NF1: variants seen among roughly 807,000 people sequenced by gnomAD.
The protein encoded by NF1 is neurofibromin.
Under a neutral mutation model 325.7 loss-of-function variants are expected in NF1, and 122 were observed. The observed-to-expected ratio is 0.37, with a 90% CI of 0.32 to 0.44. NF1 has a LOEUF of 0.44. NF1 is among the 20% of genes least tolerant of loss of function. The pLI is 1.00. For missense variants in NF1, 2,140 were observed against 3,415.4 expected (o/e 0.63, Z 9.31); for synonymous variants, 1,091 against 1,186.0 (o/e 0.92, Z 1.65).
intron 1 of NF1, among the ~76,000 whole-genome samples, chr17:31,118,081 TGTG>T (rs564057412): frequency 1.6e-3 from 242 of 152,332 alleles, no homozygotes; most frequent in Non-Finnish European, 2.6e-3. Context: ...CTAGGTTAAA[TGTG>T]GTAAATGCAC....
In NF1 at chr17:31,249,195, A is replaced by G. The variant is rs551814219; in HGVS notation, c.4110+76A>G. The G allele has an allele frequency of 1.7e-4, 248 of 1,486,860 alleles. 1 individual carries two copies. In the African/African-American group the frequency reaches 2.9e-3, roughly 18 times the overall value. The allele number at this position is 1,486,860 out of a possible 1,614,324, so 92.1% of individuals were successfully genotyped here. A position where few individuals can be genotyped will look rare whatever the true frequency, so the allele number is the denominator to read the frequency against. On this transcript the variant is annotated intron_variant, in intron 30 of 57. Transcript: ENST00000358273. Reference sequence around the variant, plus strand: ...AGAATGCTTTATCAAAGAAGGATCTAGCTGCTGATGGTGTGTGGTTAACTA... The same window carrying G: ...AGAATGCTTTATCAAAGAAGGATCTGGCTGCTGATGGTGTGTGGTTAACTA...
At chr17:31,296,177 C>G (rs752539765) in intron 36 of NF1, 1 of 1,613,032 alleles carries the variant, frequency 6.2e-7, no homozygotes, top group African/African-American at 1.3e-5. Flanking sequence ...CTCTTGCAGT[C>G]CAGATGGTAA....
At chr17:31,233,266 T>C in intron 27 of NF1, 53 bp downstream of exon 27, 2 of 1,414,688 alleles carry the variant, frequency 1.4e-6, no homozygotes, top group Middle Eastern at 1.8e-4. Flanking sequence ...TAGCAAATCC[T>C]TCAGAATATA....
rs533513599 is a variant in NF1, at chr17:31,197,927, A to G, written c.889-2495A>G. On this transcript the variant is annotated intron_variant, in intron 8 of 57. Coordinates refer to ENST00000358273, the MANE Select transcript of NF1 (RefSeq NM_001042492.3). The stretch of plus-strand genomic sequence containing the variant: ...ATCTTTCACTATTGAGTATGTTGTT[A>G]GCTATTGGTTTTTAATACATGGCTT... 2.6e-5 allele frequency among the ~76,000 whole-genome samples: 4 copies of G among 152,238 alleles called. No individual in the cohort carries two copies. The South Asian group carries it at 8.3e-4, about 32-fold the overall frequency.
intron 29 of NF1, among the ~76,000 whole-genome samples, chr17:31,248,284 C>T (rs1341998496): frequency 7.3e-6 from 1 of 136,434 alleles, no homozygotes; most frequent in Non-Finnish European, 1.5e-5. Context: ...GGCATATACA[C>T]ATAGAGGATT....
chr17:31,336,832 G>A lies in NF1; in HGVS notation c.6345G>A (p.Pro2115=), dbSNP rs779475182. 13 of 1,613,638 alleles carry A rather than the reference G, an allele frequency of 8.1e-6. No individual in the cohort carries two copies. The highest frequency in any genetic ancestry group is 5.0e-5 in the Admixed American group (3 of 59,992). The change falls in exon 42 of 58, where the codon CCG becomes CCA. Residue 2115 remains proline, a synonymous_variant. Coordinates refer to ENST00000358273, the MANE Select transcript of NF1 (RefSeq NM_001042492.3). This position sits in a 1 kb window ranked among gnomAD's most constrained non-coding sequence, Gnocchi z 5.5. ...HVVTFLVATG[P]LSLRASTHGL... ...TTACTTTCTTAGTAGCCACAGGTCC[G>A]CTCTCCCTTAGAGCTTCCACACATG...
Position 31,249,056 on chromosome 17 carries a change from C to G in NF1, c.4047C>G (p.Ala1349=). The part of the protein sequence containing the change: ...LLQMTEKFFH[A]IISSSSEFPP... ...AGATGACTGAAAAGTTCTTCCATGCCATCATCAGTTCCTCCTCAGAATTCC... is the reference window on the plus strand; with the variant it reads ...AGATGACTGAAAAGTTCTTCCATGCGATCATCAGTTCCTCCTCAGAATTCC... Residue 1349 remains alanine, a synonymous_variant, in exon 30 of 58, where the codon GCC becomes GCG. Transcript: ENST00000358273. 2 of 1,614,070 alleles carry G rather than the reference C, an allele frequency of 1.2e-6. No homozygotes were observed. The highest frequency in any genetic ancestry group is 1.7e-6 in the Non-Finnish European group (2 of 1,179,978).
intron 53 of NF1, 39 bp from the exon 54 acceptor site, chr17:31,357,230 G>C (rs2151583029): frequency 6.2e-7 from 1 of 1,603,134 alleles, no homozygotes; most frequent in Non-Finnish European, 8.5e-7. Flanking sequence ...CAGCCACAAA[G>C]TAAAAATGTT....
In NF1 at chr17:31,236,188, A is replaced by AT. The variant is rs961892249; in HGVS notation, c.3974+176dup. Among the ~76,000 whole-genome samples the AT allele has an allele frequency of 6.6e-5, 10 of 151,478 alleles. No homozygotes were observed. In the South Asian group the frequency reaches 1.2e-3, roughly 19 times the overall value. The stretch of plus-strand genomic sequence containing the variant: ...ACACGTTTCTTTAATGATATCTGTA[A>AT]TTTTTTTTTAAGGTATCCTTTTATT... On this transcript the variant is annotated intron_variant, in intron 29 of 57. Transcript: ENST00000358273.
intron 8 of NF1, among the ~76,000 whole-genome samples, chr17:31,185,001 C>A (rs1314216041): frequency 6.6e-6 from 1 of 152,076 alleles, no homozygotes; most frequent in Admixed American, 6.6e-5. Context: ...TCTGATGAAC[C>A]TTTTTTGCCA....
chr17:31,159,424 C>T (rs1259724508), intron 3 of NF1, among the ~76,000 whole-genome samples: 3 of 152,192 alleles, frequency 2.0e-5, no homozygotes, highest in East Asian at 1.9e-4. Context: ...TGGGAGAGTG[C>T]GATTCAGAAG....
intron 25 of NF1, 104 bp from the exon 26 acceptor site, chr17:31,232,596 C>A: frequency 9.1e-7 from 1 of 1,101,046 alleles, no homozygotes. Flanking sequence ...ACAGTTAACC[C>A]AGGGCCATTC....
At chr17:31,150,161 C>T (rs2143586703) in intron 1 of NF1, among the ~76,000 whole-genome samples, 1 of 152,198 alleles carries the variant, frequency 6.6e-6, no homozygotes, top group African/African-American at 2.4e-5. Context: ...AGAATATTTG[C>T]CTTTTACTCA....
intron 36 of NF1, among the ~76,000 whole-genome samples, chr17:31,301,251 A>G (rs2068568117): frequency 6.6e-6 from 1 of 152,120 alleles, no homozygotes; most frequent in Admixed American, 6.5e-5. Flanking sequence ...CCAGATTATA[A>G]AGGAATTTAC....
chr17:31,317,403 A>ACACACACC (rs571315603), intron 36 of NF1, among the ~76,000 whole-genome samples: 44 of 147,286 alleles, frequency 3.0e-4, no homozygotes, highest in African/African-American at 1.1e-3. Flanking sequence ...ACACACACAC[A>ACACACACC]CCCCTAATAA....
chr17:31,259,820 T>G (rs778415122), intron 33 of NF1, among the ~76,000 whole-genome samples: 15 of 152,230 alleles, frequency 9.9e-5, no homozygotes, highest in Non-Finnish European at 2.2e-4. Flanking sequence ...ATCCTCATCA[T>G]CTAAGCTAGC....
At chr17:31,263,147 A>G (rs1236001978) in intron 35 of NF1, among the ~76,000 whole-genome samples, 1 of 151,128 alleles carries the variant, frequency 6.6e-6, no homozygotes, top group African/African-American at 2.5e-5. Flanking sequence ...GATAAGATAG[A>G]TAAGATAGAT....
chr17:31,330,245 A>G (rs2069446322), intron 38 of NF1, 51 bp from the exon 39 acceptor site: 1 of 1,552,738 alleles, frequency 6.4e-7, no homozygotes, highest in African/African-American at 1.4e-5. Flanking sequence ...AAATTTTGGA[A>G]CTATAAGGAA....
chr17:31,118,860 C>T (rs550080421), intron 1 of NF1, among the ~76,000 whole-genome samples: 103 of 152,090 alleles, frequency 6.8e-4, no homozygotes, highest in Non-Finnish European at 1.3e-3. Flanking sequence ...CTTGAGGAAT[C>T]GCCACACTGT....
Sources: gnomAD v4.1 joint callset for allele counts (sites outside exome capture counted in the v4.1 genomes callset) on GRCh38, gnomAD v4.1.1 for gene constraint, Gnocchi (gnomAD v3.1) non-coding constraint, MANE v1.5 for transcripts, NCBI Gene and HGNC (gene_info 2026-07-23, HGNC 2026-07-21) for gene names.